Variants in PTK6 observed in about 807,000 individuals in gnomAD.
The protein encoded by PTK6 is protein tyrosine kinase 6.
In PTK6, 47 loss-of-function variants were observed where a neutral mutation model predicts 47.5. The observed-to-expected ratio is 0.99, with a 90% confidence interval of 0.78 to 1.26. The LOEUF is 1.26. PTK6 is among the 50% of genes most tolerant of loss of function. PTK6 has a pLI of 0.00. For synonymous variants in PTK6, 287 were observed against 276.5 expected (o/e 1.04, Z -0.38); for missense variants, 618 against 625.3 (o/e 0.99, Z 0.12).
chr20:63,532,430 C>CGTGT, intron 5 of PTK6, 96 bp downstream of exon 5: 1 of 1,286,044 alleles, frequency 7.8e-7, no homozygotes, highest in Non-Finnish European at 1.1e-6. Flanking sequence ...TGTGTGTCTA[C>CGTGT]GTGTGTGTGT....
At chr20:63,532,161 C>CTA (rs2082626677) in intron 5 of PTK6, among the ~76,000 whole-genome samples, 1 of 129,888 alleles carries the variant, frequency 7.7e-6, no homozygotes, top group African/African-American at 4.3e-5. Context: ...CAGTGTGTGT[C>CTA]TGTGTGTGTG....
At chr20:63,532,379 CTGTGTCTGTGTCTGTGTGTGCATGTG>C in intron 5 of PTK6, 121 bp downstream of exon 5, 1 of 996,200 alleles carries the variant, frequency 1.0e-6, no homozygotes. Context: ...CTCTGTGTGT[CTGTGTCTGTGTCTGTGTGTGCATGTG>C]TGTGTCTGTG....
At position 63,530,361 on chromosome 20, in the gene PTK6, G is replaced by C. The variant is rs1452351989; in HGVS notation, c.1015-130C>G. Reference sequence around the variant, plus strand: ...TGACCCCACTGTCTGACCCACGCACGGCCGCTGCAGCTAAGGCCACACTGG... The same window carrying C: ...TGACCCCACTGTCTGACCCACGCACCGCCGCTGCAGCTAAGGCCACACTGG... On this transcript the variant is annotated intron_variant, in intron 6 of 7. Transcript: ENST00000542869. The surrounding 1 kb of genome is among the most constrained non-coding windows in gnomAD (Gnocchi z 4.1). 2 of 1,200,574 alleles carry C rather than the reference G, an allele frequency of 1.7e-6. No homozygotes were observed. Among genetic ancestry groups the C allele is most frequent in the Non-Finnish European group, 2.3e-6 (2 of 859,364 alleles). 74.4% of individuals were successfully genotyped at this position (1,200,574 alleles called of 1,614,324 possible). A position where few individuals can be genotyped will look rare whatever the true frequency, so the allele number is the denominator to read the frequency against.
At chr20:63,531,904 C>T (rs1188985532) in intron 5 of PTK6, among the ~76,000 whole-genome samples, 2 of 152,222 alleles carry the variant, frequency 1.3e-5, no homozygotes, top group African/African-American at 4.8e-5. Flanking sequence ...CGGAGCCTTT[C>T]GCTCAGAGCG....
At position 63,534,140 on chromosome 20, in the gene PTK6, C is replaced by A; in HGVS notation, c.516+12G>T. ...CTGACCCCGCGTGACCAAGTCAGGG[C>A]GGAGCGGCTACCTTCCGGCAGGGCG... On this transcript the variant is annotated intron_variant, in intron 3 of 7. Transcript: ENST00000542869. 6.5e-7 allele frequency: 1 copy of A among 1,540,554 alleles called. No individual in the cohort carries two copies. Among genetic ancestry groups the A allele is most frequent in the Non-Finnish European group, 8.7e-7 (1 of 1,144,056 alleles).
intron 4 of PTK6, among the ~76,000 whole-genome samples, chr20:63,532,966 C>T (rs1186214549): frequency 2.0e-5 from 3 of 152,238 alleles, no homozygotes; most frequent in Admixed American, 6.5e-5. Context: ...GGCCAGACCT[C>T]TGCTGGGGCC....
chr20:63,530,297 G>A lies in PTK6; in HGVS notation c.1015-66C>T, dbSNP rs1250361854. 7.0e-6 allele frequency: 11 copies of A among 1,581,748 alleles called. No homozygotes were observed. Among genetic ancestry groups the A allele is most frequent in the African/African-American group, 1.3e-5 (1 of 74,388 alleles). On this transcript the variant is annotated intron_variant, in intron 6 of 7. Coordinates refer to ENST00000542869, the MANE Select transcript of PTK6 (RefSeq NM_005975.4). This position sits in a 1 kb window ranked among gnomAD's most constrained non-coding sequence, Gnocchi z 4.1. ...TGTGCCCTGCCCCCGAAGCATGGAC[G>A]GGCACAGCGGCCGCATTGCCCCAGC...
chr20:63,529,040 A>G lies in PTK6; in HGVS notation c.*496T>C, dbSNP rs1489486113. ...GAGAGTTCTCACTGGTCATAAGGCC[A>G]AGCTCTCAAGACACAAGACAAACAG... On this transcript the variant is annotated 3_prime_UTR_variant, in exon 8 of 8. Coordinates refer to ENST00000542869, the MANE Select transcript of PTK6 (RefSeq NM_005975.4). This position sits in a 1 kb window ranked among gnomAD's most constrained non-coding sequence, Gnocchi z 5.6. The G allele has an allele frequency of 1.3e-5, 2 of 152,480 alleles. No homozygotes were observed. The highest frequency in any genetic ancestry group is 4.8e-5 in the African/African-American group (2 of 41,430). 9.4% of individuals were successfully genotyped at this position (152,480 alleles called of 1,614,324 possible).
chr20:63,534,894 G>T (rs770351940), intron 2 of PTK6, 44 bp downstream of exon 2: 2 of 1,559,840 alleles, frequency 1.3e-6, no homozygotes, highest in African/African-American at 2.7e-5. Flanking sequence ...CTTAGAGCCA[G>T]GAGCCCCCGC....
chr20:63,532,616 G>A lies in PTK6; in HGVS notation c.742C>T (p.Leu248=). ...AMKKLRHKHI[L]ALYAVVSVGD... ...ACGGACACCACGGCGTACAGCGCCA[G>A]GATGTGTTTGTGCCGCAGCTTCTTC... Residue 248 remains leucine, a synonymous_variant, in exon 5 of 8, where the codon CTG becomes TTG. Transcript: ENST00000542869. 4.3e-6 allele frequency: 7 copies of A among 1,614,122 alleles called. No individual in the cohort carries two copies. Among genetic ancestry groups the A allele is most frequent in the African/African-American group, 2.7e-5 (2 of 75,062 alleles).
intron 5 of PTK6, among the ~76,000 whole-genome samples, chr20:63,531,400 G>A (rs1212561760): frequency 8.6e-5 from 11 of 128,184 alleles, no homozygotes; most frequent in African/African-American, 2.8e-4. Flanking sequence ...CAGCCTGGGC[G>A]ACAGAGCCAG....
chr20:63,537,128 G>T lies in PTK6; in HGVS notation c.187C>A (p.Pro63Thr). 1 of 1,610,834 alleles carries T rather than the reference G, an allele frequency of 6.2e-7. No homozygotes were observed. Among genetic ancestry groups the T allele is most frequent in the Non-Finnish European group, 8.5e-7 (1 of 1,179,252 alleles). Residue 63 changes from proline (P) to threonine (T), a missense_variant, in exon 1 of 8, where the codon CCC becomes ACC. Pro to Thr is a conservative substitution (Grantham distance 38, BLOSUM62 -1). Coordinates refer to ENST00000542869, the MANE Select transcript of PTK6 (RefSeq NM_005975.4). ...AGGAVAQGYV[P>T]HNYLAERETV... is the part of the protein sequence containing the mutation. ...TCCCTCTCGGCCAGGTAGTTGTGGG[G>T]CACATAGCCCTGGGCCACGGCCCCA...
At chr20:63,531,419 T>TA (rs2082618357) in intron 5 of PTK6, among the ~76,000 whole-genome samples, 1 of 29,732 alleles carries the variant, frequency 3.4e-5, no homozygotes, top group African/African-American at 2.3e-4. Flanking sequence ...AGACTCCGTC[T>TA]CAAAAAAAAA....
In PTK6 at chr20:63,529,488, C is replaced by A; in HGVS notation, c.*48G>T. 6.7e-7 allele frequency: 1 copy of A among 1,494,546 alleles called. No homozygotes were observed. Among genetic ancestry groups the A allele is most frequent in the Non-Finnish European group, 8.9e-7 (1 of 1,121,426 alleles). 92.6% of individuals were successfully genotyped at this position (1,494,546 alleles called of 1,614,324 possible). On this transcript the variant is annotated 3_prime_UTR_variant, in exon 8 of 8. Transcript: ENST00000542869. The surrounding 1 kb of genome is among the most constrained non-coding windows in gnomAD (Gnocchi z 5.6). ...CTTGATCCCAGGTCCAGGCCCTCTG[C>A]CCAGGCCCCTCCTCAGCAGGGCCCG... is the stretch of plus-strand genomic sequence containing the variant.
In PTK6 at chr20:63,529,210, A is replaced by G; in HGVS notation, c.*326T>C. ...CAAGGCGTGTTTGCCTCCCACCCTC[A>G]GCCGGGCACTGCAGACAGACAGCCA... is the stretch of plus-strand genomic sequence containing the variant. On this transcript the variant is annotated 3_prime_UTR_variant, in exon 8 of 8. Transcript: ENST00000542869. This position sits in a 1 kb window ranked among gnomAD's most constrained non-coding sequence, Gnocchi z 5.6. 1 of 226,888 alleles carries G rather than the reference A, an allele frequency of 4.4e-6. No homozygotes were observed. Among genetic ancestry groups the G allele is most frequent in the South Asian group, 1.5e-4 (1 of 6,778 alleles). The allele number at this position is 226,888 out of a possible 1,614,324, so 14.1% of individuals were successfully genotyped here. A position where few individuals can be genotyped will look rare whatever the true frequency, so the allele number is the denominator to read the frequency against.
At chr20:63,531,458 ATATAT>A (rs1443504766) in intron 5 of PTK6, among the ~76,000 whole-genome samples, 1,424 of 117,982 alleles carry the variant, frequency 0.012, 142 homozygotes, top group African/African-American at 0.041. Flanking sequence ...ATATATATAT[ATATAT>A]AATTAGCTGG....
intron 5 of PTK6, 123 bp from the exon 6 acceptor site, chr20:63,531,050 G>T: frequency 1.1e-6 from 1 of 889,434 alleles, no homozygotes; most frequent in South Asian, 1.9e-5. Flanking sequence ...AGGGGCCGGG[G>T]CAAAGGGCAG....
Position 63,533,779 on chromosome 20 carries a change from C to A in PTK6, c.517-75G>T. On this transcript the variant is annotated intron_variant, in intron 3 of 7. Transcript: ENST00000542869. The surrounding 1 kb of genome is among the most constrained non-coding windows in gnomAD (Gnocchi z 4.0). The stretch of plus-strand genomic sequence containing the variant: ...GCCAGTCTGAAGCCAGCACAGGGAG[C>A]CTGGATTTAGCCTCAGATTTAGGGC... 6.5e-7 allele frequency: 1 copy of A among 1,530,178 alleles called. No individual in the cohort carries two copies. The allele number at this position is 1,530,178 out of a possible 1,614,324, so 94.8% of individuals were successfully genotyped here.
At position 63,530,923 on chromosome 20, in the gene PTK6, A is replaced by G; in HGVS notation, c.837T>C (p.Ser279=). The stretch of plus-strand genomic sequence containing the variant: ...CCGAAACGGGCAGGACTTTCTCATC[A>G]GAGTCTGCAGAGGGGAGTGGAGCAG... ...KGSLLELLRD[S]DEKVLPVSEL... The change falls in exon 6 of 8, where the codon TCT becomes TCC. Residue 279 remains serine, a synonymous_variant. Coordinates refer to ENST00000542869, the MANE Select transcript of PTK6 (RefSeq NM_005975.4). This position sits in a 1 kb window ranked among gnomAD's most constrained non-coding sequence, Gnocchi z 4.1. 6.2e-7 allele frequency: 1 copy of G among 1,607,164 alleles called. No homozygotes were observed. The highest frequency in any genetic ancestry group is 8.5e-7 in the Non-Finnish European group (1 of 1,176,706).
Sources: allele counts gnomAD v4.1 joint callset (sites outside exome capture counted in the v4.1 genomes callset), GRCh38; gene constraint gnomAD v4.1.1; non-coding constraint Gnocchi (gnomAD v3.1); transcripts MANE v1.5; gene names NCBI Gene and HGNC (gene_info 2026-07-23, HGNC 2026-07-21).